The following MAPK8 variants were observed in gnomAD, a reference collection of about 807,000 sequenced individuals.
The protein encoded by MAPK8 is JUN N-terminal kinase.
In MAPK8, 13 loss-of-function variants were observed where a neutral mutation model predicts 52.9. That is an observed-to-expected ratio of 0.25 (90% CI 0.16 to 0.39). The LOEUF is 0.39. MAPK8 is among the 10% of genes least tolerant of loss of function. MAPK8 has a pLI of 1.00. For missense variants in MAPK8, 300 were observed against 519.2 expected (o/e 0.58, Z 4.10); for synonymous variants, 191 against 169.8 (o/e 1.12, Z -0.97).
chr10:48,346,907 C>T (rs1423692654), intron 1 of MAPK8, among the ~76,000 whole-genome samples: 1 of 152,230 alleles, frequency 6.6e-6, no homozygotes, highest in Non-Finnish European at 1.5e-5. Context: ...ATGTGACCCA[C>T]GTGACCTTAC....
intron 1 of MAPK8, among the ~76,000 whole-genome samples, chr10:48,342,379 A>G (rs933945359): frequency 6.6e-6 from 1 of 152,188 alleles, no homozygotes; most frequent in Admixed American, 6.5e-5. Flanking sequence ...TGTTGGAATT[A>G]CAGCCATGAG....
intron 1 of MAPK8, among the ~76,000 whole-genome samples, chr10:48,373,208 G>A (rs2040432426): frequency 6.6e-6 from 1 of 152,068 alleles, no homozygotes; most frequent in Non-Finnish European, 1.5e-5. Flanking sequence ...TCACCACCAG[G>A]CCTGCCTTAT....
intron 1 of MAPK8, among the ~76,000 whole-genome samples, chr10:48,389,630 A>G (rs538230485): frequency 6.6e-6 from 1 of 152,348 alleles, no homozygotes; most frequent in South Asian, 2.1e-4. Context: ...GGAATTTAAA[A>G]TAACAGTTTG....
intron 1 of MAPK8, among the ~76,000 whole-genome samples, chr10:48,386,394 A>G (rs2041312178): frequency 1.3e-5 from 2 of 152,220 alleles, no homozygotes; most frequent in South Asian, 2.1e-4. Context: ...TTAAAATTAA[A>G]ATAGCTTTTG....
intron 1 of MAPK8, among the ~76,000 whole-genome samples, chr10:48,346,568 T>TC (rs1845805382): frequency 6.6e-6 from 1 of 152,074 alleles, no homozygotes; most frequent in Admixed American, 6.5e-5. Context: ...GGTCTCCCTT[T>TC]CCCCGGGGGA....
chr10:48,320,211 CTTTTTTTTTTTTTTTTTT>C (rs71026206), intron 1 of MAPK8, among the ~76,000 whole-genome samples: 6 of 35,326 alleles, frequency 1.7e-4, no homozygotes, highest in Admixed American at 6.1e-4. Flanking sequence ...ACTGCTCGGC[CTTTTTTTTTTTTTTTTTT>C]TTTTTTTTTT....
At chr10:48,379,072 T>G (rs1293453237) in intron 1 of MAPK8, among the ~76,000 whole-genome samples, 8 of 152,226 alleles carry the variant, frequency 5.3e-5, no homozygotes, top group Admixed American at 1.3e-4. Context: ...GCCTGAAACT[T>G]TTTCGTTAGA....
intron 1 of MAPK8, among the ~76,000 whole-genome samples, chr10:48,398,645 A>G (rs2042008743): frequency 6.6e-6 from 1 of 152,224 alleles, no homozygotes; most frequent in South Asian, 2.1e-4. Flanking sequence ...TAACCCTAAA[A>G]CTGTAAACAG....
chr10:48,369,052 A>G (rs563494491), intron 1 of MAPK8, among the ~76,000 whole-genome samples: 4 of 152,178 alleles, frequency 2.6e-5, no homozygotes, highest in Admixed American at 1.3e-4. Flanking sequence ...TAGCATAAAC[A>G]TGGTGCTTCA....
intron 5 of MAPK8, among the ~76,000 whole-genome samples, chr10:48,411,489 A>G (rs984486723): frequency 2.0e-5 from 3 of 152,216 alleles, no homozygotes; most frequent in Admixed American, 1.3e-4. Context: ...CTGACCATGT[A>G]TTATACTAGT....
chr10:48,344,988 T>G (rs1398115911), intron 1 of MAPK8, among the ~76,000 whole-genome samples: 1 of 151,998 alleles, frequency 6.6e-6, no homozygotes, highest in African/African-American at 2.4e-5. Context: ...TACAGAAGGG[T>G]TAAAAGTTTT....
At chr10:48,337,297 A>T (rs948870666) in intron 1 of MAPK8, among the ~76,000 whole-genome samples, 1 of 152,174 alleles carries the variant, frequency 6.6e-6, no homozygotes, top group Non-Finnish European at 1.5e-5. Flanking sequence ...ATTAGAAATC[A>T]ATACCAAGAA....
At position 48,377,569 on chromosome 10, in the gene MAPK8, A is replaced by G. The variant is rs2040747594; in HGVS notation, c.-49-24043A>G. On this transcript the variant is annotated intron_variant, in intron 1 of 11. Coordinates refer to ENST00000374189, the MANE Select transcript of MAPK8 (RefSeq NM_001323329.2). ...CTTGCAAGTCATATCCTCAGAAGAG[A>G]AGATGCTCACCCTTGTCTTCTTTCC... 1.3e-5 allele frequency among the ~76,000 whole-genome samples: 2 copies of G among 152,218 alleles called. 1 individual carries two copies. Among genetic ancestry groups the G allele is most frequent in the Non-Finnish European group, 2.9e-5 (2 of 68,018 alleles).
intron 6 of MAPK8, among the ~76,000 whole-genome samples, chr10:48,423,570 C>A (rs948914067): frequency 6.6e-6 from 1 of 152,210 alleles, no homozygotes; most frequent in African/African-American, 2.4e-5. Flanking sequence ...TTTAAAAATT[C>A]CAAAGAGCTT....
At chr10:48,407,400 T>C (rs1286549439) in intron 3 of MAPK8, among the ~76,000 whole-genome samples, 1 of 152,226 alleles carries the variant, frequency 6.6e-6, no homozygotes, top group African/African-American at 2.4e-5. Flanking sequence ...TTGTTCTTTG[T>C]TGTTTTTATT....
At chr10:48,385,578 G>A (rs2132784937) in intron 1 of MAPK8, among the ~76,000 whole-genome samples, 1 of 152,124 alleles carries the variant, frequency 6.6e-6, no homozygotes, top group African/African-American at 2.4e-5. Flanking sequence ...TTAGTTTCTG[G>A]TCTTTGTTGT....
intron 1 of MAPK8, among the ~76,000 whole-genome samples, chr10:48,400,933 A>G (rs925662631): frequency 6.6e-6 from 1 of 150,976 alleles, no homozygotes; most frequent in Non-Finnish European, 1.5e-5. Context: ...CTCAGGCAGG[A>G]TAGAATAGTA....
At position 48,401,910 on chromosome 10, in the gene MAPK8, G is replaced by A. The variant is rs956046888; in HGVS notation, c.122+128G>A. 3.3e-5 allele frequency: 23 copies of A among 699,366 alleles called. 1 individual carries two copies. The highest frequency in any genetic ancestry group is 7.5e-5 in the Admixed American group (2 of 26,506). The allele number at this position is 699,366 out of a possible 1,614,324, so 43.3% of individuals were successfully genotyped here. On this transcript the variant is annotated intron_variant, in intron 2 of 11. Coordinates refer to ENST00000374189, the MANE Select transcript of MAPK8 (RefSeq NM_001323329.2). Reference sequence around the variant, plus strand: ...ATTAAATTAAAACTAAAAATTAAACGAAAACTATTCCACAGTAAATTGTTT... The same window carrying A: ...ATTAAATTAAAACTAAAAATTAAACAAAAACTATTCCACAGTAAATTGTTT...
chr10:48,336,881 A>T (rs879436755), intron 1 of MAPK8, among the ~76,000 whole-genome samples: 4 of 152,190 alleles, frequency 2.6e-5, no homozygotes, highest in South Asian at 2.1e-4. Context: ...GTAACAAAAG[A>T]CAAGGGCATT....
Sources: allele counts gnomAD v4.1 joint callset (sites outside exome capture counted in the v4.1 genomes callset), GRCh38; gene constraint gnomAD v4.1.1; transcripts MANE v1.5; gene names NCBI Gene and HGNC (gene_info 2026-07-23, HGNC 2026-07-21).